CNTN5: variants seen among roughly 807,000 people sequenced by gnomAD.
CNTN5 encodes contactin 5, also known as contactin-5.
Under a neutral mutation model 129.1 loss-of-function variants are expected in CNTN5, and 77 were observed. The ratio of observed to expected loss-of-function variants is 0.60; its 90% confidence interval spans 0.50 to 0.72. The LOEUF (loss-of-function observed/expected upper bound fraction) is 0.72. Ranked by LOEUF, CNTN5 falls within the 30% of genes least tolerant of loss-of-function variation. The pLI is 0.00. For synonymous variants in CNTN5, 509 were observed against 465.6 expected, an observed-to-expected ratio of 1.09 and a Z score of -1.20; for missense variants, 1,478 against 1,328.8, an observed-to-expected ratio of 1.11 and a Z score of -1.75.
chr11:99,284,309 G>C (rs966136455), intron 1 of CNTN5, among the ~76,000 whole-genome samples: 24 of 151,906 alleles, frequency 1.6e-4, no homozygotes, highest in Non-Finnish European at 2.9e-4. Context: ...GACATGTTAT[G>C]GGATATATTT....
At chr11:100,090,263 G>A (rs1944705624) in intron 13 of CNTN5, among the ~76,000 whole-genome samples, 1 of 151,934 alleles carries the variant, frequency 6.6e-6, no homozygotes, top group African/African-American at 2.4e-5. Flanking sequence ...GGCAAACAAT[G>A]GAAGCATTCA....
intron 2 of CNTN5, among the ~76,000 whole-genome samples, chr11:99,338,969 T>TTG (rs201548132): frequency 9.7e-4 from 84 of 86,388 alleles, no homozygotes; most frequent in Admixed American, 2.9e-3. Flanking sequence ...ATGTGTGTGT[T>TTG]TGTGTGTGTG....
At chr11:100,194,703 T>C (rs1049975053) in intron 15 of CNTN5, among the ~76,000 whole-genome samples, 4 of 151,786 alleles carry the variant, frequency 2.6e-5, no homozygotes, top group Non-Finnish European at 5.9e-5. Context: ...AGTCACATGA[T>C]TTGCCTGGGC....
chr11:99,255,698 G>T (rs896372925), intron 1 of CNTN5, among the ~76,000 whole-genome samples: 14 of 151,378 alleles, frequency 9.2e-5, no homozygotes, highest in Non-Finnish European at 2.1e-4. Flanking sequence ...TGAATTAAAA[G>T]AATTGTGCAT....
At chr11:99,439,555 A>C (rs2135141226) in intron 2 of CNTN5, among the ~76,000 whole-genome samples, 1 of 151,918 alleles carries the variant, frequency 6.6e-6, no homozygotes, top group Non-Finnish European at 1.5e-5. Flanking sequence ...TGAAAATACA[A>C]AAATTAGCCT....
intron 24 of CNTN5, among the ~76,000 whole-genome samples, chr11:100,354,838 A>G (rs1952487770): frequency 6.6e-6 from 1 of 151,644 alleles, no homozygotes; most frequent in African/African-American, 2.4e-5. Flanking sequence ...GAACATAGAA[A>G]AATTACAGTA....
intron 3 of CNTN5, among the ~76,000 whole-genome samples, chr11:99,638,444 TC>T (rs1951645311): frequency 6.6e-6 from 1 of 151,902 alleles, no homozygotes; most frequent in African/African-American, 2.4e-5. Flanking sequence ...TTCTCAACAG[TC>T]CCCCAAACTC....
chr11:99,193,705 A>T (rs1395619011), intron 1 of CNTN5, among the ~76,000 whole-genome samples: 3 of 152,170 alleles, frequency 2.0e-5, no homozygotes, highest in Non-Finnish European at 4.4e-5. Context: ...AAAACAACCC[A>T]TGGGCAACCC....
At chr11:100,172,124 CAAACGCA>C (rs2138413399) in intron 13 of CNTN5, among the ~76,000 whole-genome samples, 1 of 151,970 alleles carries the variant, frequency 6.6e-6, no homozygotes, top group African/African-American at 2.4e-5. Flanking sequence ...ATTCAAAATG[CAAACGCA>C]GTTTGCATTA....
chr11:99,634,386 T>C (rs1951472871), intron 3 of CNTN5, among the ~76,000 whole-genome samples: 1 of 152,136 alleles, frequency 6.6e-6, no homozygotes, highest in Non-Finnish European at 1.5e-5. Context: ...ACAGGCTTTA[T>C]TGGATTTAGA....
At chr11:99,516,362 A>G (rs192075667) in intron 2 of CNTN5, among the ~76,000 whole-genome samples, 1 of 152,164 alleles carries the variant, frequency 6.6e-6, no homozygotes. Flanking sequence ...ATTAAAATTC[A>G]TATTTAGCTC....
intron 3 of CNTN5, among the ~76,000 whole-genome samples, chr11:99,625,709 C>A (rs959202112): frequency 6.6e-6 from 1 of 152,022 alleles, no homozygotes; most frequent in African/African-American, 2.4e-5. Context: ...TCTGTACATA[C>A]ATCCCATCAC....
intron 16 of CNTN5, among the ~76,000 whole-genome samples, chr11:100,237,188 C>CAAAA (rs397977189): frequency 7.0e-5 from 5 of 71,106 alleles, no homozygotes; most frequent in African/African-American, 2.5e-4. Flanking sequence ...GACTCCGTCT[C>CAAAA]AAAAAAAAAA....
At chr11:100,146,479 A>G (rs1312047693) in intron 13 of CNTN5, among the ~76,000 whole-genome samples, 1 of 152,170 alleles carries the variant, frequency 6.6e-6, no homozygotes, top group Non-Finnish European at 1.5e-5. Context: ...TGAGAGTATA[A>G]TTACAGAAAC....
At chr11:99,678,348 A>G (rs1187057484) in intron 3 of CNTN5, among the ~76,000 whole-genome samples, 4 of 152,124 alleles carry the variant, frequency 2.6e-5, no homozygotes, top group Non-Finnish European at 2.9e-5. Flanking sequence ...TAATATATAT[A>G]TATGATTCAA....
intron 1 of CNTN5, among the ~76,000 whole-genome samples, chr11:99,153,731 G>A (rs1307105567): frequency 6.7e-6 from 1 of 149,782 alleles, no homozygotes; most frequent in Non-Finnish European, 1.5e-5. Flanking sequence ...GGATTTTTGA[G>A]TTGCTAGAGT....
intron 1 of CNTN5, among the ~76,000 whole-genome samples, chr11:99,170,050 G>GT (rs555796555): frequency 6.6e-6 from 1 of 151,842 alleles, no homozygotes. Flanking sequence ...TTGTGTATCA[G>GT]TTTTTTTGTG....
intron 3 of CNTN5, among the ~76,000 whole-genome samples, chr11:99,809,023 A>G (rs933533970): frequency 9.9e-5 from 15 of 152,154 alleles, no homozygotes. Context: ...GTGTACCCAC[A>G]CAAGTAGGAA....
chr11:100,014,455 G>C (rs990112695), intron 9 of CNTN5, among the ~76,000 whole-genome samples: 5 of 151,970 alleles, frequency 3.3e-5, no homozygotes, highest in African/African-American at 1.2e-4. Context: ...GACTAGAGAT[G>C]TTGTTGTCCC....
Sources: gnomAD v4.1 joint callset for allele counts (sites outside exome capture counted in the v4.1 genomes callset) on GRCh38, gnomAD v4.1.1 for gene constraint, MANE v1.5 for transcripts, NCBI Gene and HGNC (gene_info 2026-07-23, HGNC 2026-07-21) for gene names.